The following SHROOM4 variants were observed in gnomAD, a reference collection of about 807,000 sequenced individuals.
SHROOM4 encodes the protein protein Shroom4.
A neutral mutation model predicts 80.3 loss-of-function variants in SHROOM4; 17 were observed. The observed-to-expected ratio is 0.21, with a 90% CI of 0.14 to 0.32. SHROOM4 has a LOEUF of 0.32. Among genes scored for constraint, SHROOM4 ranks in the 10% least tolerant of loss-of-function variants. The pLI is 1.00. For missense variants in SHROOM4, 993 were observed against 1,140.3 expected (o/e 0.87, Z 1.86); for synonymous variants, 400 against 437.5 (o/e 0.91, Z 1.07).
intron 2 of SHROOM4, among the ~76,000 whole-genome samples, chrX:50,652,392 G>A (rs1932130063): frequency 8.9e-6 from 1 of 111,802 alleles, no homozygotes; most frequent in African/African-American, 3.3e-5. Flanking sequence ...AGAAGTGTCT[G>A]TTCATATCCT....
rs1557246590 is a variant in SHROOM4, at chrX:50,596,330, G to A, written c.*365C>T. On this transcript the variant is annotated 3_prime_UTR_variant, in exon 9 of 9. Coordinates refer to ENST00000376020, the MANE Select transcript of SHROOM4 (RefSeq NM_020717.5). ...GGCAGATTCCCTCTGAGCCTTTAGAGGCTGTTGATGATATGGGTGGGTGAT... is the reference window on the plus strand; with the variant it reads ...GGCAGATTCCCTCTGAGCCTTTAGAAGCTGTTGATGATATGGGTGGGTGAT... 2 of 364,257 alleles carry A rather than the reference G, an allele frequency of 5.5e-6. No individual in the cohort carries two copies. Among genetic ancestry groups the A allele is most frequent in the Admixed American group, 6.0e-5 (2 of 33,257 alleles). The allele number at this position is 364,257 out of a possible 1,213,427, so 30.0% of individuals were successfully genotyped here. A position where few individuals can be genotyped will look rare whatever the true frequency, so the allele number is the denominator to read the frequency against.
intron 1 of SHROOM4, among the ~76,000 whole-genome samples, chrX:50,732,067 T>C (rs145347843): frequency 0.028 from 3,105 of 111,509 alleles, 91 homozygotes; most frequent in African/African-American, 0.095. Context: ...TTAGATAAAT[T>C]TGTAGAAGAA....
intron 2 of SHROOM4, among the ~76,000 whole-genome samples, chrX:50,658,380 T>C (rs1384603691): frequency 1.8e-5 from 2 of 111,287 alleles, no homozygotes; most frequent in Non-Finnish European, 3.8e-5. Flanking sequence ...CAAGACTTAT[T>C]GATTCTACCT....
At chrX:50,750,666 C>T (rs1934897578) in intron 1 of SHROOM4, among the ~76,000 whole-genome samples, 1 of 112,244 alleles carries the variant, frequency 8.9e-6, no homozygotes, top group African/African-American at 3.2e-5. Flanking sequence ...TGCTGCTATG[C>T]TTCTCCTGAA....
Position 50,590,532 on chromosome X carries a change from G to T in SHROOM4, c.*6163C>A, listed in dbSNP as rs782559425. Among the ~76,000 whole-genome samples the T allele has an allele frequency of 1.8e-4, 20 of 111,242 alleles. No homozygotes were observed. Among genetic ancestry groups the T allele is most frequent in the African/African-American group, 5.9e-4 (18 of 30,595 alleles). ...CCCAAAGTGCTGGGATTACAGGCGT[G>T]AGCCACCGCGCCTGGCCGAGACCAG... On this transcript the variant is annotated 3_prime_UTR_variant, in exon 9 of 9. Transcript: ENST00000376020.
At chrX:50,659,716 G>C (rs140965617) in intron 2 of SHROOM4, among the ~76,000 whole-genome samples, 2 of 111,498 alleles carry the variant, frequency 1.8e-5, no homozygotes, top group African/African-American at 6.5e-5. Flanking sequence ...ATAAGCTCTA[G>C]AACAAGACTG....
intron 1 of SHROOM4, among the ~76,000 whole-genome samples, chrX:50,745,442 C>CA (rs1174378687): frequency 1.2e-4 from 13 of 108,277 alleles, no homozygotes; most frequent in African/African-American, 3.7e-4. Flanking sequence ...CTGACAAAAA[C>CA]AAAAAAACAA....
rs188246479 is a variant in SHROOM4, at chrX:50,649,550, A to G, written c.270-11242T>C. 16 of 112,338 alleles carry G rather than the reference A, an allele frequency of 1.4e-4. No individual in the cohort carries two copies. The East Asian group carries it at 4.2e-3, about 29-fold the overall frequency. The allele number at this position is 112,338 out of a possible 1,213,427, so 9.3% of individuals were successfully genotyped here. On this transcript the variant is annotated intron_variant, in intron 2 of 8. Transcript: ENST00000376020. ...CTGACAAAGTTGTGGGGAAATAGATATACATTGGTGGGTGGGAATGGAAAT... is the reference window on the plus strand; with the variant it reads ...CTGACAAAGTTGTGGGGAAATAGATGTACATTGGTGGGTGGGAATGGAAAT...
At chrX:50,671,597 T>C (rs1317710843) in intron 2 of SHROOM4, among the ~76,000 whole-genome samples, 1 of 112,379 alleles carries the variant, frequency 8.9e-6, no homozygotes, top group Non-Finnish European at 1.9e-5. Flanking sequence ...GCTTCAAACT[T>C]TTCTTCTGCA....
At chrX:50,647,395 G>C (rs1931880325) in intron 2 of SHROOM4, among the ~76,000 whole-genome samples, 1 of 111,228 alleles carries the variant, frequency 9.0e-6, no homozygotes, top group South Asian at 3.9e-4. Flanking sequence ...GAGGGCTAAG[G>C]GAGACTTCAG....
chrX:50,600,105 C>T (rs1039681358), intron 7 of SHROOM4, among the ~76,000 whole-genome samples: 2 of 111,737 alleles, frequency 1.8e-5, no homozygotes, highest in African/African-American at 6.5e-5. Context: ...GTAAAGTGGA[C>T]ACCTCCCCAA....
At chrX:50,698,722 C>T (rs1200268791) in intron 1 of SHROOM4, among the ~76,000 whole-genome samples, 2 of 110,598 alleles carry the variant, frequency 1.8e-5, no homozygotes, top group South Asian at 3.9e-4. Context: ...ACAGCCAGTT[C>T]TATAGGTCAA....
At chrX:50,748,355 T>C (rs1194864457) in intron 1 of SHROOM4, among the ~76,000 whole-genome samples, 1 of 111,332 alleles carries the variant, frequency 9.0e-6, no homozygotes, top group Non-Finnish European at 1.9e-5. Context: ...GAAAATATCA[T>C]GAGAAACCTA....
chrX:50,797,166 G>A (rs1382679729), intron 1 of SHROOM4, among the ~76,000 whole-genome samples: 4 of 110,433 alleles, frequency 3.6e-5, no homozygotes, highest in African/African-American at 9.9e-5. Flanking sequence ...ATTTACAGAG[G>A]AGAATGGAGA....
rs557454813 is a variant in SHROOM4 at position 50,811,895 on chromosome X, A to C, written c.117+2007T>G. On this transcript the variant is annotated intron_variant, in intron 1 of 8. Coordinates refer to ENST00000376020, the MANE Select transcript of SHROOM4 (RefSeq NM_020717.5). ...ATCATTAAAAGGCACCCTGCCTCTC[A>C]ACACACGAAGCACTTCCTCTACAGC... Among the ~76,000 whole-genome samples, 3 of 110,763 alleles carry C rather than the reference A, an allele frequency of 2.7e-5. No individual in the cohort carries two copies. The East Asian group carries it at 8.6e-4, about 32-fold the overall frequency.
intron 1 of SHROOM4, among the ~76,000 whole-genome samples, chrX:50,718,583 T>C (rs782339610): frequency 9.0e-6 from 1 of 111,445 alleles, no homozygotes; most frequent in South Asian, 3.8e-4. Flanking sequence ...CCTGCTTCTA[T>C]GTCATGTGAA....
intron 5 of SHROOM4, among the ~76,000 whole-genome samples, chrX:50,610,156 G>A (rs1371820087): frequency 3.6e-5 from 4 of 111,488 alleles, no homozygotes; most frequent in African/African-American, 1.3e-4. Context: ...CAGAATGGAA[G>A]ACAAAATGTC....
At position 50,795,101 on chromosome X, in the gene SHROOM4, G is replaced by C. The variant is rs868965207; in HGVS notation, c.117+18801C>G. 3.0e-3 allele frequency among the ~76,000 whole-genome samples: 128 copies of C among 42,635 alleles called. 4 individuals are homozygous for C. Among genetic ancestry groups the C allele is most frequent in the Admixed American group, 4.9e-3 (16 of 3,280 alleles). The allele number at this position is 42,635 out of a possible 115,157, so 37.0% of individuals were successfully genotyped here. On this transcript the variant is annotated intron_variant, in intron 1 of 8. Transcript: ENST00000376020. ...ATATATATATATGATATATATATAT[G>C]ATATATATATATGATATATATATAT... is the stretch of plus-strand genomic sequence containing the variant.
intron 2 of SHROOM4, among the ~76,000 whole-genome samples, chrX:50,690,530 T>G (rs183229820): frequency 5.9e-4 from 66 of 112,737 alleles, no homozygotes; most frequent in African/African-American, 2.1e-3. Flanking sequence ...ATCTCATTTT[T>G]ATTATTGTTT....
Sources: gnomAD v4.1 joint callset for allele counts (sites outside exome capture counted in the v4.1 genomes callset) on GRCh38, gnomAD v4.1.1 for gene constraint, MANE v1.5 for transcripts, NCBI Gene and HGNC (gene_info 2026-07-23, HGNC 2026-07-21) for gene names.